Variants in GGT5 observed in about 807,000 individuals in gnomAD.
The protein encoded by GGT5 is glutathione hydrolase 5 proenzyme.
Under a neutral mutation model 58.1 loss-of-function variants are expected in GGT5, and 50 were observed. The ratio of observed to expected loss-of-function variants is 0.86; its 90% CI spans 0.69 to 1.09. The LOEUF is 1.09. GGT5 is among the 50% of genes least tolerant of loss of function. The probability of loss-of-function intolerance (pLI) is 0.00; values close to 1 mark genes in which losing one functional copy is unlikely to be tolerated. For synonymous variants in GGT5, 370 were observed against 346.1 expected (o/e 1.07, Z -0.77); for missense variants, 800 against 789.4 (o/e 1.01, Z -0.16).
intron 6 of GGT5, among the ~76,000 whole-genome samples, chr22:24,230,737 G>A (rs909342003): frequency 1.8e-4 from 27 of 151,962 alleles, no homozygotes; most frequent in African/African-American, 6.0e-4. Flanking sequence ...TTCCTACCGC[G>A]ATGCCTACTC....
intron 11 of GGT5, among the ~76,000 whole-genome samples, chr22:24,222,827 C>T (rs893337586): frequency 3.3e-5 from 5 of 152,118 alleles, no homozygotes; most frequent in Non-Finnish European, 7.4e-5. Context: ...CCTATAATCC[C>T]AGCACTTTGG....
intron 1 of GGT5, among the ~76,000 whole-genome samples, chr22:24,238,841 ATATATTATATATAT>A (rs2048210579): frequency 1.6e-4 from 2 of 12,736 alleles, no homozygotes; most frequent in African/African-American, 8.5e-4. Context: ...ATTTATATAT[ATATATTATATATAT>A]TATATATATA....
At chr22:24,231,158 C>T (rs1177906459) in intron 6 of GGT5, among the ~76,000 whole-genome samples, 1 of 152,220 alleles carries the variant, frequency 6.6e-6, no homozygotes, top group Non-Finnish European at 1.5e-5. Context: ...GATATCACGC[C>T]CTTCAGCAAA....
intron 6 of GGT5, among the ~76,000 whole-genome samples, chr22:24,228,385 GC>G (rs1379541944): frequency 6.6e-6 from 1 of 151,448 alleles, no homozygotes; most frequent in Non-Finnish European, 1.5e-5. Context: ...CCCATGAGTG[GC>G]CTGTCCAGTG....
At chr22:24,227,009 C>T (rs967693946) in intron 6 of GGT5, among the ~76,000 whole-genome samples, 6 of 142,304 alleles carry the variant, frequency 4.2e-5, no homozygotes, top group Admixed American at 7.4e-5. Context: ...AGTGCAATGG[C>T]GCAGTCTCAG....
chr22:24,232,317 G>A (rs542302873), intron 4 of GGT5, 109 bp from the exon 5 acceptor site: 1 of 596,344 alleles, frequency 1.7e-6, no homozygotes, highest in South Asian at 2.1e-5. Flanking sequence ...GGGGCGCCCT[G>A]GCCCAGGGTC....
chr22:24,234,382 C>T (rs2048039202), intron 1 of GGT5, among the ~76,000 whole-genome samples: 1 of 152,186 alleles, frequency 6.6e-6, no homozygotes, highest in Non-Finnish European at 1.5e-5. Context: ...GACTCCACTC[C>T]CCATCTCACT....
chr22:24,237,727 C>T (rs1186144843), intron 1 of GGT5, among the ~76,000 whole-genome samples: 1 of 151,896 alleles, frequency 6.6e-6, no homozygotes, highest in African/African-American at 2.4e-5. Flanking sequence ...TTTATACATA[C>T]TCTCCAGTGC....
At chr22:24,233,438 T>C in intron 3 of GGT5, 60 bp downstream of exon 3, 1 of 869,820 alleles carries the variant, frequency 1.1e-6, no homozygotes, top group Non-Finnish European at 1.8e-6. Flanking sequence ...TTTGCGGGGG[T>C]GTTCTGATTA....
At chr22:24,234,502 C>T (rs779405467) in intron 1 of GGT5, among the ~76,000 whole-genome samples, 1 of 152,178 alleles carries the variant, frequency 6.6e-6, no homozygotes, top group Non-Finnish European at 1.5e-5. Context: ...CAAAACTTCT[C>T]TTGGGACTCT....
At chr22:24,221,307 G>C (rs780231278) in intron 11 of GGT5, among the ~76,000 whole-genome samples, 9 of 151,684 alleles carry the variant, frequency 5.9e-5, no homozygotes, top group Non-Finnish European at 1.0e-4. Flanking sequence ...GAGTCACGCA[G>C]CTGAAGGCTA....
At chr22:24,228,924 C>T (rs1436103355) in intron 6 of GGT5, among the ~76,000 whole-genome samples, 1 of 151,258 alleles carries the variant, frequency 6.6e-6, no homozygotes, top group African/African-American at 2.4e-5. Flanking sequence ...GAAACCCTGT[C>T]TCTAATAATA....
In GGT5 at chr22:24,231,478, A is replaced by G. The variant is rs1273991633; in HGVS notation, c.807T>C (p.Asp269=). ...DLAKFQPEVV[D]ALEVPLGDYT... ...AGTCCCCCAGGGGCACCTCCAGGGC[A>G]TCCACCACCTCGGGCTGGAACTTGG... The change falls in exon 6 of 12, where the codon GAT becomes GAC. Residue 269 remains aspartate (D), a synonymous_variant. Transcript: ENST00000327365. 6.3e-7 allele frequency: 1 copy of G among 1,581,428 alleles called. No homozygotes were observed. The highest frequency in any genetic ancestry group is 1.3e-5 in the African/African-American group (1 of 74,228).
chr22:24,242,272 C>T (rs2048346735), intron 1 of GGT5: 1 of 152,172 alleles, frequency 6.6e-6, no homozygotes, highest in Non-Finnish European at 1.5e-5. Flanking sequence ...CCGGCTGTAG[C>T]AGAATCCCAA....
At chr22:24,225,773 G>A (rs546779082) in intron 8 of GGT5, 121 bp from the exon 9 acceptor site, 22 of 704,590 alleles carry the variant, frequency 3.1e-5, no homozygotes, top group Non-Finnish European at 5.3e-5. Context: ...TGCTGAAGCC[G>A]CTATTCTCTC....
At position 24,232,860 on chromosome 22, in the gene GGT5, T is replaced by C; in HGVS notation, c.559A>G (p.Ser187Gly). ...GCCTGCAAGGAAGGCCGCAGGATGC[T>C]GTTGTGCAGGAAACGGCTGAGGACA... The part of the protein sequence containing the change: ...APVLSRFLHN[S>G]ILRPSLQAST... Residue 187 changes from serine (S) to glycine (G), a missense_variant, in exon 4 of 12, where the codon AGC becomes GGC. By Grantham distance (56) the Ser-to-Gly change is moderately conservative (BLOSUM62 0). Transcript: ENST00000327365. 1 of 1,570,678 alleles carries C rather than the reference T, an allele frequency of 6.4e-7. No homozygotes were observed. Among genetic ancestry groups the C allele is most frequent in the Non-Finnish European group, 8.6e-7 (1 of 1,156,802 alleles).
At chr22:24,244,447 C>T in intron 1 of GGT5, 106 bp downstream of exon 1, 2 of 970,214 alleles carry the variant, frequency 2.1e-6, no homozygotes, top group South Asian at 2.9e-5. Context: ...GACACTCACA[C>T]ACACACCCAC....
chr22:24,230,591 G>T (rs2047908577), intron 6 of GGT5, among the ~76,000 whole-genome samples: 1 of 151,656 alleles, frequency 6.6e-6, no homozygotes, highest in South Asian at 2.1e-4. Flanking sequence ...ATAATGCAAT[G>T]AAAAAAATAA....
rs1491462085 is a variant in GGT5, at chr22:24,238,915, T to TAA, written c.174-4912_174-4911insTT. Among the ~76,000 whole-genome samples the TAA allele has an allele frequency of 5.4e-3, 81 of 15,046 alleles. 3 individuals are homozygous for TAA. Among genetic ancestry groups the TAA allele is most frequent in the Admixed American group, 7.8e-3 (5 of 640 alleles). 9.9% of individuals were successfully genotyped at this position (15,046 alleles called of 152,430 possible). ...TTTATATATATATATATTATATATA[T>TAA]TATATATATAATATATATTATATAA... is the stretch of plus-strand genomic sequence containing the variant. On this transcript the variant is annotated intron_variant, in intron 1 of 11. Coordinates refer to ENST00000327365, the MANE Select transcript of GGT5 (RefSeq NM_004121.5).
Sources: gnomAD v4.1 joint callset for allele counts (sites outside exome capture counted in the v4.1 genomes callset) on GRCh38, gnomAD v4.1.1 for gene constraint, MANE v1.5 for transcripts, NCBI Gene and HGNC (gene_info 2026-07-23, HGNC 2026-07-21) for gene names.